Variants in KCND2 observed in about 807,000 individuals in gnomAD.
The protein encoded by KCND2 is A-type voltage-gated potassium channel KCND2.
A neutral mutation model predicts 54.4 loss-of-function variants in KCND2; 16 were observed. The ratio of observed to expected loss-of-function variants is 0.29; its 90% CI spans 0.20 to 0.45. The LOEUF (loss-of-function observed/expected upper bound fraction) is 0.45. KCND2 is among the 20% of genes least tolerant of loss of function. KCND2 has a pLI of 1.00. For missense variants in KCND2, 486 were observed against 824.2 expected (o/e 0.59, Z 5.02); for synonymous variants, 317 against 310.7 (o/e 1.02, Z -0.21).
intron 1 of KCND2, among the ~76,000 whole-genome samples, chr7:120,417,048 G>T (rs964610273): frequency 3.9e-5 from 6 of 152,240 alleles, no homozygotes; most frequent in African/African-American, 1.4e-4. Context: ...GCTTCACCAT[G>T]TTGGCCAGGC....
At chr7:120,707,508 G>A (rs1214600971) in intron 1 of KCND2, among the ~76,000 whole-genome samples, 2 of 152,068 alleles carry the variant, frequency 1.3e-5, no homozygotes, top group African/African-American at 4.8e-5. Flanking sequence ...GGGAAATAAG[G>A]AGCAAAAGTT....
intron 1 of KCND2, among the ~76,000 whole-genome samples, chr7:120,531,824 C>T (rs1319595417): frequency 6.6e-6 from 1 of 152,056 alleles, no homozygotes; most frequent in Non-Finnish European, 1.5e-5. Context: ...GATTTGTTTG[C>T]ATATTTTTTA....
chr7:120,497,803 T>A (rs981644617), intron 1 of KCND2, among the ~76,000 whole-genome samples: 4 of 152,164 alleles, frequency 2.6e-5, no homozygotes, highest in African/African-American at 9.7e-5. Flanking sequence ...ATTAATCACA[T>A]GGTCACACAA....
chr7:120,588,121 C>T (rs984458803), intron 1 of KCND2, among the ~76,000 whole-genome samples: 19 of 151,964 alleles, frequency 1.3e-4, no homozygotes, highest in African/African-American at 4.1e-4. Context: ...AGATATAATT[C>T]GTAGGATATG....
chr7:120,741,562 C>T lies in KCND2; in HGVS notation c.1307C>T (p.Ala436Val). The change falls in exon 3 of 6, where the codon GCC (alanine) becomes GTC (valine). Residue 436 changes from alanine to valine, a missense_variant. Physicochemically the swap from Ala to Val is moderately conservative, Grantham distance 64. Coordinates refer to ENST00000331113, the MANE Select transcript of KCND2 (RefSeq NM_012281.3). The stretch of plus-strand genomic sequence containing the variant: ...GCTAGACTGGCCAGGATCCGGGCAG[C>T]CAAAAGCGGAAGCGCAAATGCTTAC... ...KKARLARIRA[A>V]KSGSANAYMQ... 1 of 1,613,156 alleles carries T rather than the reference C, an allele frequency of 6.2e-7. No individual in the cohort carries two copies.
intron 1 of KCND2, among the ~76,000 whole-genome samples, chr7:120,485,311 C>T (rs1802677806): frequency 1.3e-5 from 2 of 152,152 alleles, no homozygotes; most frequent in South Asian, 4.1e-4. Context: ...TTGTAAAACT[C>T]TTACCTAGAT....
At chr7:120,383,171 C>A (rs1349687006) in intron 1 of KCND2, among the ~76,000 whole-genome samples, 1 of 151,952 alleles carries the variant, frequency 6.6e-6, no homozygotes, top group Admixed American at 6.6e-5. Context: ...ATTCAATAAT[C>A]CCCTTTGGAT....
intron 1 of KCND2, among the ~76,000 whole-genome samples, chr7:120,555,433 G>C (rs10282150): frequency 0.14 from 20,634 of 152,132 alleles, 2,517 homozygotes; most frequent in African/African-American, 0.34. Flanking sequence ...GGATTACAGG[G>C]ACATGCTCCT....
chr7:120,719,184 T>C (rs752384785), intron 1 of KCND2, among the ~76,000 whole-genome samples: 1 of 152,178 alleles, frequency 6.6e-6, no homozygotes, highest in Non-Finnish European at 1.5e-5. Flanking sequence ...TATGTGGAAG[T>C]TCACTAATTT....
At chr7:120,598,789 G>A (rs961785749) in intron 1 of KCND2, among the ~76,000 whole-genome samples, 1 of 152,070 alleles carries the variant, frequency 6.6e-6, no homozygotes, top group African/African-American at 2.4e-5. Flanking sequence ...TTTCTTAACA[G>A]TCTTTTAAAG....
intron 1 of KCND2, among the ~76,000 whole-genome samples, chr7:120,344,039 A>G (rs974676748): frequency 3.9e-5 from 6 of 152,330 alleles, no homozygotes; most frequent in African/African-American, 9.6e-5. Context: ...TCTTAAATCT[A>G]GATCTATATA....
chr7:120,294,342 T>G (rs1799478054), intron 1 of KCND2, among the ~76,000 whole-genome samples: 1 of 151,918 alleles, frequency 6.6e-6, no homozygotes, highest in African/African-American at 2.4e-5. Flanking sequence ...CTGGATTGCT[T>G]ATTGGTCATG....
chr7:120,306,513 G>T lies in KCND2; in HGVS notation c.1115+30766G>T, dbSNP rs1269879003. 9.2e-5 allele frequency among the ~76,000 whole-genome samples: 14 copies of T among 152,010 alleles called. No homozygotes were observed. In the East Asian group the frequency reaches 2.7e-3, roughly 29 times the overall value. ...TTGGAATACCCCAAAAATGATTCTG[G>T]TCACACTGATTATGCAAATAGTTTA... On this transcript the variant is annotated intron_variant, in intron 1 of 5. Coordinates refer to ENST00000331113, the MANE Select transcript of KCND2 (RefSeq NM_012281.3).
At chr7:120,445,932 A>T (rs1392377129) in intron 1 of KCND2, among the ~76,000 whole-genome samples, 1 of 152,160 alleles carries the variant, frequency 6.6e-6, no homozygotes, top group Non-Finnish European at 1.5e-5. Context: ...CTTTTCAATC[A>T]AGCTGCTTGA....
At chr7:120,598,189 T>C (rs1319835300) in intron 1 of KCND2, among the ~76,000 whole-genome samples, 1 of 152,194 alleles carries the variant, frequency 6.6e-6, no homozygotes, top group African/African-American at 2.4e-5. Flanking sequence ...CAATTCATTC[T>C]TTATGACTTA....
intron 1 of KCND2, among the ~76,000 whole-genome samples, chr7:120,486,350 G>T (rs1204278786): frequency 6.6e-6 from 1 of 152,092 alleles, no homozygotes; most frequent in Non-Finnish European, 1.5e-5. Context: ...GCCTTCAGGG[G>T]GTGGGAGCCA....
At chr7:120,338,212 C>T (rs1800179084) in intron 1 of KCND2, among the ~76,000 whole-genome samples, 1 of 152,014 alleles carries the variant, frequency 6.6e-6, no homozygotes, top group South Asian at 2.1e-4. Context: ...ATCACAAGTT[C>T]AAAACAACTA....
At chr7:120,688,051 A>G (rs1217035954) in intron 1 of KCND2, among the ~76,000 whole-genome samples, 1 of 152,214 alleles carries the variant, frequency 6.6e-6, no homozygotes. Context: ...AGATTCAGTC[A>G]CACACATGGG....
At chr7:120,447,452 A>G (rs910720221) in intron 1 of KCND2, among the ~76,000 whole-genome samples, 1 of 152,128 alleles carries the variant, frequency 6.6e-6, no homozygotes, top group African/African-American at 2.4e-5. Flanking sequence ...TGAAGATGTA[A>G]TACTTGGAGC....
Sources: allele counts gnomAD v4.1 joint callset (sites outside exome capture counted in the v4.1 genomes callset), GRCh38; gene constraint gnomAD v4.1.1; transcripts MANE v1.5; gene names NCBI Gene and HGNC (gene_info 2026-07-23, HGNC 2026-07-21).